The following OAS2 variants were observed in gnomAD, a reference collection of about 807,000 sequenced individuals.
The protein encoded by OAS2 is 2'-5'-oligoadenylate synthase 2.
Under a neutral mutation model 71.3 loss-of-function variants are expected in OAS2, and 67 were observed. The ratio of observed to expected loss-of-function variants is 0.94; its 90% CI spans 0.77 to 1.15. OAS2 has a LOEUF of 1.15. Among genes scored for constraint, OAS2 ranks in the 50% most tolerant of loss-of-function variants. The pLI is 0.00. For missense variants in OAS2, 789 were observed against 822.5 expected (o/e 0.96, Z 0.50); for synonymous variants, 327 against 321.8 (o/e 1.02, Z -0.17).
At position 112,987,079 on chromosome 12, in the gene OAS2, C is replaced by T. The variant is rs145718121; in HGVS notation, c.219C>T (p.Ser73=). Residue 73 remains serine (S), a synonymous_variant, in exon 2 of 10, where the codon TCC becomes TCT. Transcript: ENST00000392583. ...YGRKTVLRGN[S]DGTLVLFFSD... ...GGAAAACAGTCTTAAGAGGCAACTC[C>T]GATGGTACCCTTGTCCTCTTCTTCA... 31 of 1,614,046 alleles carry T rather than the reference C, an allele frequency of 1.9e-5. No homozygotes were observed. Among genetic ancestry groups the T allele is most frequent in the Admixed American group, 1.3e-4 (8 of 60,012 alleles).
intron 9 of OAS2, 84 bp downstream of exon 9, chr12:113,008,027 T>A (rs1340250239): frequency 2.1e-6 from 2 of 953,290 alleles, no homozygotes; most frequent in African/African-American, 3.2e-5. Flanking sequence ...TCTGCTGGGG[T>A]CACGATTCAT....
intron 9 of OAS2, among the ~76,000 whole-genome samples, chr12:113,008,343 G>A (rs2044352374): frequency 6.6e-6 from 1 of 151,978 alleles, no homozygotes; most frequent in African/African-American, 2.4e-5. Context: ...ACCAGCAAGG[G>A]ACAAAAACAA....
chr12:113,003,238 G>A, intron 6 of OAS2, 136 bp downstream of exon 6: 1 of 897,864 alleles, frequency 1.1e-6, no homozygotes, highest in Non-Finnish European at 1.7e-6. Context: ...CAGGAGTTAA[G>A]GGAACTAGGA....
intron 8 of OAS2, among the ~76,000 whole-genome samples, 153 bp from the exon 9 acceptor site, chr12:113,007,552 A>T (rs187453752): frequency 2.0e-5 from 3 of 152,092 alleles, no homozygotes; most frequent in Non-Finnish European, 2.9e-5. Flanking sequence ...TGCCAGGTGG[A>T]CTCCTGTAGG....
At chr12:112,993,103 G>C (rs1411734848) in intron 2 of OAS2, among the ~76,000 whole-genome samples, 1 of 149,366 alleles carries the variant, frequency 6.7e-6, no homozygotes, top group East Asian at 1.9e-4. Flanking sequence ...TCTGAGAAAA[G>C]CAACCTACAG....
intron 5 of OAS2, 125 bp from the exon 6 acceptor site, chr12:113,002,807 T>G: frequency 1.3e-6 from 1 of 779,244 alleles, no homozygotes; most frequent in Non-Finnish European, 2.1e-6. Context: ...ACGGAAAAGA[T>G]GCCAGCCCAC....
At chr12:112,998,178 A>G in intron 4 of OAS2, 88 bp from the exon 5 acceptor site, 2 of 1,444,982 alleles carry the variant, frequency 1.4e-6, no homozygotes, top group Non-Finnish European at 1.9e-6. Flanking sequence ...AAGTTGCCGG[A>G]TTCCCACTCC....
chr12:113,001,538 A>T lies in OAS2; in HGVS notation c.1009-1394A>T, dbSNP rs928350121. Reference sequence around the variant, plus strand: ...TATATATACACATATATATATATACATATATATGCTTCCTCACCTTTTCAA... The same window carrying T: ...TATATATACACATATATATATATACTTATATATGCTTCCTCACCTTTTCAA... On this transcript the variant is annotated intron_variant, in intron 5 of 9. Transcript: ENST00000392583. Among the ~76,000 whole-genome samples the T allele has an allele frequency of 3.3e-5, 5 of 149,484 alleles. No individual in the cohort carries two copies. In the East Asian group the frequency reaches 9.7e-4, roughly 29 times the overall value.
At chr12:112,986,938 AT>A in intron 1 of OAS2, 99 bp from the exon 2 acceptor site, 1 of 1,480,174 alleles carries the variant, frequency 6.8e-7, no homozygotes, top group Non-Finnish European at 9.1e-7. Context: ...TGTTAAGACC[AT>A]TTTTGGCTTT....
chr12:112,980,494 G>A (rs1167981287), intron 1 of OAS2, among the ~76,000 whole-genome samples: 1 of 152,020 alleles, frequency 6.6e-6, no homozygotes, highest in Non-Finnish European at 1.5e-5. Context: ...ATGCAATATT[G>A]TCTTTCTATG....
chr12:112,981,715 A>T (rs974778081), intron 1 of OAS2, among the ~76,000 whole-genome samples: 1 of 152,048 alleles, frequency 6.6e-6, no homozygotes, highest in Non-Finnish European at 1.5e-5. Context: ...GTTTCCATAC[A>T]AATTTTAGGA....
chr12:112,988,439 T>A (rs562822635), intron 2 of OAS2: 1 of 314,602 alleles, frequency 3.2e-6, no homozygotes, highest in Non-Finnish European at 4.6e-6. Flanking sequence ...TAGCTCAGCA[T>A]TGGCCTTATT....
At chr12:113,001,682 C>T (rs1486506591) in intron 5 of OAS2, among the ~76,000 whole-genome samples, 1 of 151,350 alleles carries the variant, frequency 6.6e-6, no homozygotes, top group Admixed American at 6.6e-5. Flanking sequence ...CTAACTCTAA[C>T]TCCAACACCA....
At chr12:112,991,548 A>G (rs1038535390) in intron 2 of OAS2, among the ~76,000 whole-genome samples, 6 of 152,240 alleles carry the variant, frequency 3.9e-5, no homozygotes, top group African/African-American at 1.4e-4. Context: ...ACTCGAAGCA[A>G]AGTGGGACAA....
At position 112,986,717 on chromosome 12, in the gene OAS2, G is replaced by A. The variant is rs945961385; in HGVS notation, c.178-321G>A. On this transcript the variant is annotated intron_variant, in intron 1 of 9. Transcript: ENST00000392583. Reference sequence around the variant, plus strand: ...GTTTTACCCCCATTCCCCCAGATGCGCACAGGCACCAGCAACAATGGCAGG... The same window carrying A: ...GTTTTACCCCCATTCCCCCAGATGCACACAGGCACCAGCAACAATGGCAGG... Among the ~76,000 whole-genome samples, 37 of 151,890 alleles carry A rather than the reference G, an allele frequency of 2.4e-4. 1 individual carries two copies. The highest frequency in any genetic ancestry group is 2.0e-3 in the Admixed American group (31 of 15,246).
At position 113,010,606 on chromosome 12, in the gene OAS2, T is replaced by G; in HGVS notation, c.*1351T>G. 6.9e-7 allele frequency: 1 copy of G among 1,443,208 alleles called. No homozygotes were observed. 89.4% of individuals were successfully genotyped at this position (1,443,208 alleles called of 1,614,324 possible). A position where few individuals can be genotyped will look rare whatever the true frequency, so the allele number is the denominator to read the frequency against. ...TGCTTCTTGGACTTCTTGAAATCAA[T>G]CAAGACTGCAAACCCTTTCATAAAG... On this transcript the variant is annotated 3_prime_UTR_variant, in exon 10 of 10. Transcript: ENST00000392583.
chr12:112,992,318 G>T (rs1313275768), intron 2 of OAS2, among the ~76,000 whole-genome samples: 1 of 151,454 alleles, frequency 6.6e-6, no homozygotes, highest in Non-Finnish European at 1.5e-5. Flanking sequence ...TTGAGCACAG[G>T]AGTTCAAGGT....
intron 5 of OAS2, among the ~76,000 whole-genome samples, chr12:113,000,597 A>G (rs982093304): frequency 5.9e-5 from 9 of 151,694 alleles, no homozygotes; most frequent in African/African-American, 1.9e-4. Context: ...ATACATGCAT[A>G]CACACATGCA....
intron 1 of OAS2, among the ~76,000 whole-genome samples, chr12:112,982,989 C>A (rs1189677319): frequency 1.3e-5 from 2 of 152,082 alleles, no homozygotes; most frequent in Non-Finnish European, 2.9e-5. Flanking sequence ...TCTCTAATGA[C>A]CCCTTTTATT....
Sources: gnomAD v4.1 joint callset for allele counts (sites outside exome capture counted in the v4.1 genomes callset) on GRCh38, gnomAD v4.1.1 for gene constraint, MANE v1.5 for transcripts, NCBI Gene and HGNC (gene_info 2026-07-23, HGNC 2026-07-21) for gene names.